Variants in DCAF12 observed in about 807,000 individuals in gnomAD.
The protein encoded by DCAF12 is DDB1- and CUL4-associated factor 12.
Under a neutral mutation model 52.8 loss-of-function variants are expected in DCAF12, and 28 were observed. The ratio of observed to expected loss-of-function variants is 0.53; its 90% CI spans 0.39 to 0.73. The LOEUF is 0.73. Ranked by LOEUF, DCAF12 falls within the 30% of genes least tolerant of loss-of-function variation. The probability of loss-of-function intolerance (pLI) is 0.00; values close to 1 mark genes in which losing one functional copy is unlikely to be tolerated. For synonymous variants in DCAF12, 196 were observed against 215.5 expected (o/e 0.91, Z 0.79); for missense variants, 425 against 552.2 (o/e 0.77, Z 2.31).
intron 4 of DCAF12, among the ~76,000 whole-genome samples, chr9:34,103,899 A>C (rs1247289836): frequency 6.6e-6 from 1 of 152,160 alleles, no homozygotes; most frequent in Non-Finnish European, 1.5e-5. Flanking sequence ...TTTTCCAGTA[A>C]ACTTATTTGC....
chr9:34,120,203 C>CAAAAAAAA (rs34481024), intron 2 of DCAF12, among the ~76,000 whole-genome samples: 16 of 26,226 alleles, frequency 6.1e-4, no homozygotes, highest in African/African-American at 3.0e-3. Context: ...AAGTCCGTCT[C>CAAAAAAAA]AAAAAAAAAA....
In DCAF12 at chr9:34,099,377, G is replaced by A. The variant is rs546487078; in HGVS notation, c.602-860C>T. On this transcript the variant is annotated intron_variant, in intron 4 of 8. Coordinates refer to ENST00000361264, the MANE Select transcript of DCAF12 (RefSeq NM_015397.4). The stretch of plus-strand genomic sequence containing the variant: ...CCAGCCTGTAGCTGGGACTACAGGC[G>A]CGTGCCACCACGCCCAGTTAATTTT... Among the ~76,000 whole-genome samples the A allele has an allele frequency of 1.2e-4, 18 of 150,494 alleles. 1 individual carries two copies. The highest frequency in any genetic ancestry group is 3.7e-4 in the African/African-American group (15 of 40,956).
chr9:34,088,562 A>T (rs1828595721), intron 8 of DCAF12, 54 bp from the exon 9 acceptor site: 3 of 1,592,494 alleles, frequency 1.9e-6, no homozygotes, highest in Non-Finnish European at 2.6e-6. Context: ...GGGCAGGAAA[A>T]GGGGGAGGAA....
In DCAF12 at chr9:34,107,384, G is replaced by A. The variant is rs374130828; in HGVS notation, c.515C>T (p.Thr172Met). The A allele has an allele frequency of 4.5e-5, 73 of 1,614,138 alleles. No homozygotes were observed. Among genetic ancestry groups the A allele is most frequent in the Admixed American group, 6.7e-5 (4 of 59,984 alleles). ...ATCTCCTACACACACAGGATCCAGC[G>A]TAGGTAGTCGATAGATGGCAAGACT... ...PNSLAIYRLP[T>M]LDPVCVGDDG... The change falls in exon 3 of 9, where the codon ACG (threonine) becomes ATG (methionine). Residue 172 changes from threonine to methionine, a missense_variant. Physicochemically the swap from Thr to Met is moderately conservative, Grantham distance 81 (BLOSUM62 -1). Coordinates refer to ENST00000361264, the MANE Select transcript of DCAF12 (RefSeq NM_015397.4).
At chr9:34,103,602 C>T (rs1017071005) in intron 4 of DCAF12, among the ~76,000 whole-genome samples, 2 of 151,996 alleles carry the variant, frequency 1.3e-5, no homozygotes, top group Non-Finnish European at 2.9e-5. Context: ...GCCTGTAATC[C>T]CAGCACTTCG....
intron 7 of DCAF12, 131 bp downstream of exon 7, chr9:34,093,155 C>T (rs1828673312): frequency 1.6e-6 from 2 of 1,216,346 alleles, no homozygotes; most frequent in Non-Finnish European, 2.3e-6. Flanking sequence ...AGCCATCGCT[C>T]CCCTTTTTGA....
chr9:34,115,905 G>GCC (rs1829081420), intron 2 of DCAF12, among the ~76,000 whole-genome samples: 9 of 152,140 alleles, frequency 5.9e-5, no homozygotes, highest in African/African-American at 1.9e-4. Context: ...CGATAAGGTA[G>GCC]TTCACTGCAT....
intron 1 of DCAF12, 178 bp from the exon 2 acceptor site, chr9:34,125,455 A>T: frequency 1.4e-6 from 1 of 735,418 alleles, no homozygotes; most frequent in East Asian, 2.7e-5. Context: ...CCAACATTAA[A>T]AAGATGTTGC....
intron 2 of DCAF12, among the ~76,000 whole-genome samples, chr9:34,113,420 G>A (rs897987548): frequency 6.6e-6 from 1 of 151,906 alleles, no homozygotes; most frequent in African/African-American, 2.4e-5. Flanking sequence ...GCAGTGGCGT[G>A]ATCTTGGCTC....
At chr9:34,096,474 G>A (rs943660557) in intron 6 of DCAF12, among the ~76,000 whole-genome samples, 7 of 152,220 alleles carry the variant, frequency 4.6e-5, no homozygotes, top group African/African-American at 9.6e-5. Context: ...GTTGGCAGAC[G>A]CCTGTAATCC....
chr9:34,098,168 A>G (rs190356942), intron 5 of DCAF12, among the ~76,000 whole-genome samples, 156 bp downstream of exon 5: 1 of 152,320 alleles, frequency 6.6e-6, no homozygotes, highest in East Asian at 1.9e-4. Flanking sequence ...AGCCTCAGTT[A>G]TAATTTCTCA....
intron 2 of DCAF12, among the ~76,000 whole-genome samples, chr9:34,118,385 C>T (rs1829118904): frequency 6.6e-6 from 1 of 152,188 alleles, no homozygotes; most frequent in African/African-American, 2.4e-5. Context: ...CCACCTGCCT[C>T]AGCCTCCCAA....
chr9:34,115,321 G>A (rs146090723), intron 2 of DCAF12, among the ~76,000 whole-genome samples: 2,149 of 151,858 alleles, frequency 0.014, 24 homozygotes, highest in East Asian at 0.041. Context: ...GCTAGGCGCG[G>A]TGGCTCACAC....
At chr9:34,096,496 C>T (rs572136859) in intron 6 of DCAF12, among the ~76,000 whole-genome samples, 2 of 152,256 alleles carry the variant, frequency 1.3e-5, no homozygotes, top group Non-Finnish European at 2.9e-5. Flanking sequence ...CGCAGCTACT[C>T]AGGTGGCTGA....
At chr9:34,119,295 C>T (rs184440196) in intron 2 of DCAF12, among the ~76,000 whole-genome samples, 25 of 152,282 alleles carry the variant, frequency 1.6e-4, no homozygotes, top group African/African-American at 6.0e-4. Context: ...GATACTTTAT[C>T]AACAATACAG....
intron 4 of DCAF12, 97 bp downstream of exon 4, chr9:34,106,337 C>A: frequency 9.5e-7 from 1 of 1,054,250 alleles, no homozygotes; most frequent in Non-Finnish European, 1.4e-6. Context: ...GTCACTGAGC[C>A]CGGCTGGGCT....
At chr9:34,113,410 G>A (rs1052830926) in intron 2 of DCAF12, among the ~76,000 whole-genome samples, 5 of 151,986 alleles carry the variant, frequency 3.3e-5, no homozygotes, top group African/African-American at 1.2e-4. Flanking sequence ...AAGCTGGAAT[G>A]CAGTGGCGTG....
intron 4 of DCAF12, among the ~76,000 whole-genome samples, chr9:34,106,181 C>T (rs924449644): frequency 6.6e-6 from 1 of 152,150 alleles, no homozygotes; most frequent in Non-Finnish European, 1.5e-5. Flanking sequence ...CAGCCTGGTT[C>T]TCCTGGGCTC....
At chr9:34,094,591 C>T (rs1828703204) in intron 6 of DCAF12, among the ~76,000 whole-genome samples, 1 of 146,008 alleles carries the variant, frequency 6.8e-6, no homozygotes, top group African/African-American at 2.5e-5. Context: ...AGTACAGTGG[C>T]GCGATCTCAG....
Sources: allele counts gnomAD v4.1 joint callset (sites outside exome capture counted in the v4.1 genomes callset), GRCh38; gene constraint gnomAD v4.1.1; transcripts MANE v1.5; gene names NCBI Gene and HGNC (gene_info 2026-07-23, HGNC 2026-07-21).